Variants in ROBO1 observed in about 807,000 individuals in gnomAD.
The protein encoded by ROBO1 is roundabout guidance receptor 1.
A neutral mutation model predicts 195.9 loss-of-function variants in ROBO1; 149 were observed. The ratio of observed to expected loss-of-function variants is 0.76; its 90% CI spans 0.67 to 0.87. ROBO1 has a LOEUF of 0.87. ROBO1 is among the 40% of genes least tolerant of loss of function. ROBO1 has a pLI of 0.00. For synonymous variants in ROBO1, 816 were observed against 733.2 expected (o/e 1.11, Z -1.82); for missense variants, 1,933 against 2,068.3 (o/e 0.93, Z 1.27).
intron 3 of ROBO1, among the ~76,000 whole-genome samples, chr3:79,082,488 CAT>C (rs2079292135): frequency 6.6e-6 from 1 of 151,982 alleles, no homozygotes; most frequent in Admixed American, 6.6e-5. Context: ...ATAATCACCA[CAT>C]AGATGAAAAT....
chr3:79,359,851 G>A (rs1432096504), intron 2 of ROBO1, among the ~76,000 whole-genome samples: 1 of 151,842 alleles, frequency 6.6e-6, no homozygotes. Context: ...TACTTCAAGA[G>A]GTCAAAAAGG....
chr3:79,663,866 T>C (rs1280269966), intron 1 of ROBO1, among the ~76,000 whole-genome samples: 2 of 152,070 alleles, frequency 1.3e-5, no homozygotes, highest in African/African-American at 4.8e-5. Flanking sequence ...CATCTTCCTC[T>C]TGTACTCTAC....
intron 4 of ROBO1, among the ~76,000 whole-genome samples, chr3:78,879,668 G>C (rs1279680897): frequency 6.6e-6 from 1 of 151,352 alleles, no homozygotes; most frequent in Non-Finnish European, 1.5e-5. Flanking sequence ...CAATAAAAAC[G>C]TAGTCGGAAG....
chr3:78,935,440 A>AT (rs1210884775), intron 4 of ROBO1, among the ~76,000 whole-genome samples: 2 of 152,054 alleles, frequency 1.3e-5, no homozygotes, highest in African/African-American at 4.8e-5. Context: ...CTTCAATGTA[A>AT]TTATCCAAGA....
intron 3 of ROBO1, among the ~76,000 whole-genome samples, chr3:79,123,820 C>A (rs1399825868): frequency 1.3e-5 from 2 of 151,806 alleles, no homozygotes; most frequent in Admixed American, 1.3e-4. Flanking sequence ...AAATCTGACA[C>A]CTGATTAACC....
intron 2 of ROBO1, among the ~76,000 whole-genome samples, chr3:79,379,855 C>T (rs1024852244): frequency 1.1e-4 from 16 of 152,170 alleles, no homozygotes; most frequent in African/African-American, 3.6e-4. Context: ...CACACTGAGA[C>T]CAGAGCACCA....
intron 1 of ROBO1, among the ~76,000 whole-genome samples, chr3:79,757,264 A>G (rs1704455718): frequency 1.3e-5 from 2 of 152,140 alleles, no homozygotes; most frequent in African/African-American, 4.8e-5. Context: ...GTACCACTTC[A>G]CGTTTCCACC....
At chr3:79,220,556 AATCAGTCTT>A (rs1053540963) in intron 2 of ROBO1, among the ~76,000 whole-genome samples, 4 of 151,972 alleles carry the variant, frequency 2.6e-5, no homozygotes, top group African/African-American at 9.7e-5. Flanking sequence ...CAGTGTGTGG[AATCAGTCTT>A]TAACCCAATA....
intron 2 of ROBO1, among the ~76,000 whole-genome samples, chr3:79,149,799 C>A (rs955978855): frequency 6.6e-6 from 1 of 151,740 alleles, no homozygotes; most frequent in Non-Finnish European, 1.5e-5. Flanking sequence ...GCATGTCCAT[C>A]GCCCAAGTTC....
At chr3:78,673,048 C>T (rs1708157658) in intron 10 of ROBO1, among the ~76,000 whole-genome samples, 1 of 152,096 alleles carries the variant, frequency 6.6e-6, no homozygotes, top group Non-Finnish European at 1.5e-5. Context: ...ATTGGATATG[C>T]AATTGTATTT....
chr3:79,498,924 C>T (rs1939899666), intron 2 of ROBO1, among the ~76,000 whole-genome samples: 1 of 152,050 alleles, frequency 6.6e-6, no homozygotes, highest in African/African-American at 2.4e-5. Context: ...AATATTTAGT[C>T]AACTATATCC....
intron 2 of ROBO1, among the ~76,000 whole-genome samples, chr3:79,157,116 C>A (rs189931828): frequency 6.6e-6 from 1 of 151,990 alleles, no homozygotes; most frequent in East Asian, 1.9e-4. Context: ...CTCTGTCTCT[C>A]TCTCTCTGTT....
At chr3:78,656,952 A>G (rs932079199) in intron 18 of ROBO1, 146 bp downstream of exon 18, 2 of 719,622 alleles carry the variant, frequency 2.8e-6, no homozygotes, top group African/African-American at 3.6e-5. Flanking sequence ...CATATTAAGT[A>G]AAGCTAACAC....
At chr3:79,280,809 C>T (rs1228504876) in intron 2 of ROBO1, among the ~76,000 whole-genome samples, 3 of 152,128 alleles carry the variant, frequency 2.0e-5, no homozygotes, top group African/African-American at 7.2e-5. Flanking sequence ...CTACATTGCT[C>T]GCATGCGCAC....
At chr3:79,584,393 T>C (rs1943755764) in intron 2 of ROBO1, among the ~76,000 whole-genome samples, 1 of 150,794 alleles carries the variant, frequency 6.6e-6, no homozygotes, top group South Asian at 2.1e-4. Flanking sequence ...TTTCTCACCT[T>C]TGGGGAGAGT....
intron 3 of ROBO1, among the ~76,000 whole-genome samples, chr3:79,060,533 G>C (rs1400947097): frequency 6.6e-6 from 1 of 151,796 alleles, no homozygotes; most frequent in Non-Finnish European, 1.5e-5. Context: ...TTCTCAGACT[G>C]GTCGACACTT....
chr3:79,017,293 C>G (rs2077968431), intron 3 of ROBO1, among the ~76,000 whole-genome samples: 1 of 152,004 alleles, frequency 6.6e-6, no homozygotes, highest in Admixed American at 6.6e-5. Flanking sequence ...TAAGTAAAAT[C>G]CCTGGTCAAA....
Position 79,689,687 on chromosome 3 carries a change from TATA to T in ROBO1, c.-51+78062_-51+78064del, listed in dbSNP as rs554833356. On this transcript the variant is annotated intron_variant, in intron 1 of 30. Transcript: ENST00000464233. ...TGGAAACTATCTTGCTTTTTCCATC[TATA>T]ATTCTATTTAATTTTAGCAATATAT... Among the ~76,000 whole-genome samples, 209 of 152,184 alleles carry T rather than the reference TATA, an allele frequency of 1.4e-3. 1 individual carries two copies. The highest frequency in any genetic ancestry group is 4.8e-3 in the African/African-American group (199 of 41,562).
intron 2 of ROBO1, among the ~76,000 whole-genome samples, chr3:79,272,747 T>C (rs188931632): frequency 3.2e-4 from 49 of 152,132 alleles, no homozygotes; most frequent in African/African-American, 1.1e-3. Flanking sequence ...GGGTGAATCA[T>C]TCATCCCCCA....
Sources: allele counts gnomAD v4.1 joint callset (sites outside exome capture counted in the v4.1 genomes callset), GRCh38; gene constraint gnomAD v4.1.1; transcripts MANE v1.5; gene names NCBI Gene and HGNC (gene_info 2026-07-23, HGNC 2026-07-21).